Variants in HAUS1 observed in about 807,000 individuals in gnomAD.
The protein encoded by HAUS1 is HAUS augmin-like complex subunit 1.
In HAUS1, 25 loss-of-function variants were observed where a neutral mutation model predicts 38.6. The observed-to-expected ratio is 0.65, with a 90% CI of 0.47 to 0.91. The LOEUF is 0.91. Ranked by LOEUF, HAUS1 falls within the 40% of genes least tolerant of loss-of-function variation. The pLI, the probability that HAUS1 is intolerant of heterozygous loss-of-function variation, is 0.00. For synonymous variants in HAUS1, 109 were observed against 112.9 expected, an observed-to-expected ratio of 0.97 and a Z score of 0.22; for missense variants, 325 against 328.4, an observed-to-expected ratio of 0.99 and a Z score of 0.08.
intron 1 of HAUS1, 137 bp downstream of exon 1, chr18:46,104,578 C>T (rs1394842377): frequency 1.5e-6 from 1 of 678,586 alleles, no homozygotes. Context: ...TTAGTGCCGC[C>T]GTCACTATCT....
intron 4 of HAUS1, 39 bp from the exon 5 acceptor site, chr18:46,122,428 A>C (rs773911518): frequency 5.6e-6 from 9 of 1,598,094 alleles, no homozygotes; most frequent in Non-Finnish European, 7.7e-6. Context: ...TTTACTGAGA[A>C]GAAGAAGAAG....
intron 2 of HAUS1, among the ~76,000 whole-genome samples, chr18:46,111,922 G>A (rs1452293199): frequency 7.6e-6 from 1 of 131,916 alleles, no homozygotes; most frequent in Admixed American, 8.4e-5. Flanking sequence ...GTCTTGCCCT[G>A]TTGCCCAGGC....
Position 46,105,267 on chromosome 18 carries a change from A to G in HAUS1, c.104A>G (p.Glu35Gly), listed in dbSNP as rs755146194. The G allele has an allele frequency of 1.9e-6, 3 of 1,613,750 alleles. No individual in the cohort carries two copies. In the South Asian group the frequency reaches 3.3e-5, roughly 18 times the overall value. Residue 35 changes from glutamate (E) to glycine (G), a missense_variant, in exon 2 of 9, where the codon GAG (glutamate) becomes GGG (glycine). Physicochemically the swap from Glu to Gly is moderately conservative, Grantham distance 98. Transcript: ENST00000282058. ...TATGAGGTGAACCCACGGACCACAG[A>G]GATTTTACATCACCTTTCAGAACGC... ...PQYEVNPRTT[E>G]ILHHLSERNR...
intron 2 of HAUS1, among the ~76,000 whole-genome samples, chr18:46,117,322 A>G (rs1354222296): frequency 6.6e-6 from 1 of 152,246 alleles, no homozygotes; most frequent in Non-Finnish European, 1.5e-5. Flanking sequence ...AAAATGTGAT[A>G]TGTCCGTATA....
intron 2 of HAUS1, among the ~76,000 whole-genome samples, chr18:46,113,179 C>T (rs758063897): frequency 5.3e-5 from 8 of 149,814 alleles, no homozygotes; most frequent in Non-Finnish European, 7.4e-5. Flanking sequence ...TGGGTCCAAG[C>T]GATTCTCATG....
intron 8 of HAUS1, among the ~76,000 whole-genome samples, chr18:46,126,391 T>C (rs1194906431): frequency 6.6e-6 from 1 of 152,220 alleles, no homozygotes; most frequent in Non-Finnish European, 1.5e-5. Flanking sequence ...AAAAAGAATT[T>C]GCAAAGGCAT....
intron 2 of HAUS1, among the ~76,000 whole-genome samples, chr18:46,115,627 C>CAA (rs202080708): frequency 6.8e-6 from 1 of 146,008 alleles, no homozygotes; most frequent in African/African-American, 2.5e-5. Flanking sequence ...GACCCTGCCT[C>CAA]AAAAAAAAAG....
In HAUS1 at chr18:46,118,307, C is replaced by T. The variant is rs1340478637; in HGVS notation, c.332C>T (p.Ser111Leu). The change falls in exon 3 of 9, where the codon TCG (serine) becomes TTG (leucine). Residue 111 changes from serine (S) to leucine (L), a missense_variant. Ser to Leu is a moderately radical substitution (Grantham distance 145). Coordinates refer to ENST00000282058, the MANE Select transcript of HAUS1 (RefSeq NM_138443.4). ...SAVALETKDT[S>L]LASFIPAVND... ...GTGGCCCTTGAAACAAAGGATACCT[C>T]GCTAGCTAGGTAATTCTTATGACAG... 5.0e-6 allele frequency: 8 copies of T among 1,612,586 alleles called. No homozygotes were observed. The highest frequency in any genetic ancestry group is 1.7e-4 in the Middle Eastern group (1 of 5,738).
chr18:46,110,332 G>GGTT (rs1911587274), intron 2 of HAUS1, among the ~76,000 whole-genome samples: 3 of 58,588 alleles, frequency 5.1e-5, no homozygotes, highest in African/African-American at 1.8e-4. Flanking sequence ...ATTTTTTTAA[G>GGTT]GTTTTTTTTT....
chr18:46,111,409 C>T (rs1167070909), intron 2 of HAUS1, among the ~76,000 whole-genome samples: 1 of 152,212 alleles, frequency 6.6e-6, no homozygotes, highest in Non-Finnish European at 1.5e-5. Context: ...ACTGCCACCT[C>T]TGCCTCCCCA....
Position 46,124,908 on chromosome 18 carries a change from G to T in HAUS1, c.738+15G>T. On this transcript the variant is annotated intron_variant, in intron 7 of 8. Transcript: ENST00000282058. ...ACTTAATGCCGGTAATAATTTTCGC[G>T]AATTAAAAAACAATTATTTCCTCCA... is the stretch of plus-strand genomic sequence containing the variant. 7.0e-7 allele frequency: 1 copy of T among 1,431,984 alleles called. No individual in the cohort carries two copies. Among genetic ancestry groups the T allele is most frequent in the Non-Finnish European group, 9.8e-7 (1 of 1,016,900 alleles). 88.7% of individuals were successfully genotyped at this position (1,431,984 alleles called of 1,614,324 possible).
chr18:46,111,924 T>A (rs1911644764), intron 2 of HAUS1, among the ~76,000 whole-genome samples: 1 of 149,648 alleles, frequency 6.7e-6, no homozygotes, highest in Non-Finnish European at 1.5e-5. Context: ...CTTGCCCTGT[T>A]GCCCAGGCTG....
Position 46,105,231 on chromosome 18 carries a change from C to G in HAUS1, c.68C>G (p.Pro23Arg). 6.2e-7 allele frequency: 1 copy of G among 1,612,056 alleles called. No homozygotes were observed. Among genetic ancestry groups the G allele is most frequent in the Non-Finnish European group, 8.5e-7 (1 of 1,179,436 alleles). ...AWLKKIFGDH[P>R]IPQYEVNPRT... is the part of the protein sequence containing the mutation. ...TTAAAAAAAATATTTGGAGATCATC[C>G]TATTCCACAGTATGAGGTGAACCCA... The change falls in exon 2 of 9, where the codon CCT becomes CGT. Residue 23 changes from proline to arginine, a missense_variant. Transcript: ENST00000282058.
At chr18:46,108,631 C>T (rs1911536931) in intron 2 of HAUS1, among the ~76,000 whole-genome samples, 1 of 152,122 alleles carries the variant, frequency 6.6e-6, no homozygotes, top group African/African-American at 2.4e-5. Flanking sequence ...TTGCATTGTA[C>T]CTACATTTTC....
intron 2 of HAUS1, among the ~76,000 whole-genome samples, chr18:46,116,728 C>T (rs1290308961): frequency 6.6e-6 from 1 of 151,284 alleles, no homozygotes; most frequent in East Asian, 2.0e-4. Flanking sequence ...AACCACAGTG[C>T]TAGGCTGGGC....
At chr18:46,124,416 CAA>C (rs34364685) in intron 6 of HAUS1, among the ~76,000 whole-genome samples, 21 of 87,584 alleles carry the variant, frequency 2.4e-4, no homozygotes, top group Admixed American at 3.9e-4. Flanking sequence ...GACTCTATCT[CAA>C]AAAAAAAAAA....
chr18:46,105,168 A>G (rs1266143670), intron 1 of HAUS1, 26 bp from the exon 2 acceptor site: 1 of 1,545,904 alleles, frequency 6.5e-7, no homozygotes, highest in Non-Finnish European at 8.9e-7. Context: ...AAGGCTTATA[A>G]TATTTGTCTT....
At chr18:46,105,517 TTTA>T (rs1272591781) in intron 2 of HAUS1, 149 bp downstream of exon 2, 1 of 613,672 alleles carries the variant, frequency 1.6e-6, no homozygotes, top group Non-Finnish European at 2.9e-6. Flanking sequence ...TAGTAGTAAC[TTTA>T]TTGTTTTATG....
At chr18:46,121,301 TG>T (rs563613480) in intron 4 of HAUS1, among the ~76,000 whole-genome samples, 88 of 152,228 alleles carry the variant, frequency 5.8e-4, no homozygotes, top group African/African-American at 1.9e-3. Flanking sequence ...GTGATTCTCC[TG>T]CCTCAGCCTT....
Sources: allele counts gnomAD v4.1 joint callset (sites outside exome capture counted in the v4.1 genomes callset), GRCh38; gene constraint gnomAD v4.1.1; transcripts MANE v1.5; gene names NCBI Gene and HGNC (gene_info 2026-07-23, HGNC 2026-07-21).